Variants in NOX4 observed in about 807,000 individuals in gnomAD.
The protein encoded by NOX4 is kidney oxidase-1.
A neutral mutation model predicts 87.6 loss-of-function variants in NOX4; 69 were observed. The observed-to-expected ratio is 0.79, with a 90% confidence interval of 0.65 to 0.96. NOX4 has a LOEUF of 0.96. Among genes scored for constraint, NOX4 ranks in the 40% least tolerant of loss-of-function variants. The pLI is 0.00. For synonymous variants in NOX4, 275 were observed against 238.2 expected (o/e 1.15, Z -1.42); for missense variants, 680 against 681.5 (o/e 1.00, Z 0.02).
At chr11:89,411,049 G>A (rs1942453438) in intron 8 of NOX4, among the ~76,000 whole-genome samples, 1 of 152,116 alleles carries the variant, frequency 6.6e-6, no homozygotes. Flanking sequence ...CAGTAGGATA[G>A]GGCCCTGGGC....
In NOX4 at chr11:89,419,530, T is replaced by C. The variant is rs111585416; in HGVS notation, c.629+2372A>G. On this transcript the variant is annotated intron_variant, in intron 8 of 17. Coordinates refer to ENST00000263317, the MANE Select transcript of NOX4 (RefSeq NM_016931.5). ...GGAAAAAATGTGCACTGTAGAATGC[T>C]TATTGTATTATGTATGGGTTGCATG... 3.4e-3 allele frequency among the ~76,000 whole-genome samples: 523 copies of C among 152,090 alleles called. 2 individuals are homozygous for C. The highest frequency in any genetic ancestry group is 5.6e-3 in the Non-Finnish European group (380 of 67,910).
At chr11:89,523,819 A>G in the NOX4 span, among the ~76,000 whole-genome samples, 2 of 152,236 alleles carry the variant, frequency 1.3e-5, no homozygotes, top group African/African-American at 4.8e-5. Context: ...TAGTACATTC[A>G]GCAGCATGGA....
chr11:89,419,291 T>C (rs920136620), intron 8 of NOX4, among the ~76,000 whole-genome samples: 7 of 152,096 alleles, frequency 4.6e-5, no homozygotes, highest in Non-Finnish European at 2.9e-5. Context: ...CTTTGAACAA[T>C]TGTACTTTAT....
intron 1 of NOX4, chr11:89,490,782 G>A: frequency 1.4e-6 from 1 of 695,036 alleles, no homozygotes; most frequent in Non-Finnish European, 2.6e-6. Flanking sequence ...TTGCAAATAG[G>A]TTTCCTAAAT....
At chr11:89,560,269 A>G in the NOX4 span, among the ~76,000 whole-genome samples, 14,008 of 152,138 alleles carry the variant, frequency 0.092, 975 homozygotes, top group Admixed American at 0.22. Flanking sequence ...GAAGCTAGGA[A>G]GAGACAAGGA....
At chr11:89,367,636 T>A (rs1384888564) in intron 12 of NOX4, among the ~76,000 whole-genome samples, 2 of 152,110 alleles carry the variant, frequency 1.3e-5, no homozygotes, top group East Asian at 1.9e-4. Context: ...AAATCTTTAA[T>A]GTGATGTGTT....
In NOX4 at chr11:89,440,683, C is replaced by T. The variant is rs1944417786; in HGVS notation, c.475+5G>A. The T allele has an allele frequency of 6.5e-7, 1 of 1,547,156 alleles. No individual in the cohort carries two copies. The highest frequency in any genetic ancestry group is 8.8e-7 in the Non-Finnish European group (1 of 1,135,982). On this transcript the variant is annotated splice_donor_5th_base_variant and intron_variant, in intron 6 of 17. Coordinates refer to ENST00000263317, the MANE Select transcript of NOX4 (RefSeq NM_016931.5). ...CTAAAGAAAAGGCTAAGAATAACAA[C>T]TTACCAGTTGTGAAGAGAAGTTTTC...
chr11:89,410,497 C>T (rs1942419928), intron 8 of NOX4, among the ~76,000 whole-genome samples: 1 of 152,142 alleles, frequency 6.6e-6, no homozygotes, highest in Non-Finnish European at 1.5e-5. Context: ...ACTCCTATCC[C>T]CAGAACCACT....
At chr11:89,560,087 T>C in the NOX4 span, among the ~76,000 whole-genome samples, 1 of 152,032 alleles carries the variant, frequency 6.6e-6, no homozygotes, top group Non-Finnish European at 1.5e-5. Flanking sequence ...AGTATGACTG[T>C]TGTCTTCATA....
At chr11:89,540,786 TAAAAAAAAAAAAAAAAAAAAAAAAAAAAA>T in the NOX4 span, among the ~76,000 whole-genome samples, 44 of 43,520 alleles carry the variant, frequency 1.0e-3, no homozygotes, top group East Asian at 0.014. Context: ...AGACTCCGTC[TAAAAAAAAAAAAAAAAAAAAAAAAAAAAA>T]AAAAAAAAAA....
intron 17 of NOX4, among the ~76,000 whole-genome samples, chr11:89,334,435 T>C (rs1407470399): frequency 6.6e-6 from 1 of 151,830 alleles, no homozygotes; most frequent in Non-Finnish European, 1.5e-5. Flanking sequence ...AACATGACTG[T>C]AATCTGAATC....
At chr11:89,426,228 A>G (rs552610884) in intron 7 of NOX4, among the ~76,000 whole-genome samples, 1 of 152,302 alleles carries the variant, frequency 6.6e-6, no homozygotes, top group Non-Finnish European at 1.5e-5. Context: ...AATAGCTTTA[A>G]AATAATTTTA....
chr11:89,430,276 C>A (rs1490773366), intron 7 of NOX4, among the ~76,000 whole-genome samples: 3 of 152,170 alleles, frequency 2.0e-5, no homozygotes, highest in African/African-American at 4.8e-5. Flanking sequence ...TGGAAGCATT[C>A]CCTTTGAAAA....
the NOX4 span, among the ~76,000 whole-genome samples, chr11:89,518,396 T>C: frequency 6.6e-6 from 1 of 151,668 alleles, no homozygotes; most frequent in Admixed American, 6.6e-5. Flanking sequence ...AAGATGCTAC[T>C]TGCTTATAAA....
intron 5 of NOX4, among the ~76,000 whole-genome samples, chr11:89,441,936 A>G (rs533096456): frequency 1.5e-5 from 2 of 131,002 alleles, no homozygotes; most frequent in East Asian, 2.3e-4. Flanking sequence ...ACAAAATAAC[A>G]TATGTGTTGA....
chr11:89,538,340 C>CA, the NOX4 span, among the ~76,000 whole-genome samples: 1 of 152,222 alleles, frequency 6.6e-6, no homozygotes, highest in Non-Finnish European at 1.5e-5. Context: ...GAAATCTCCA[C>CA]AATATGGTTT....
chr11:89,438,888 T>A (rs1461056825), intron 6 of NOX4, among the ~76,000 whole-genome samples: 1 of 49,812 alleles, frequency 2.0e-5, no homozygotes, highest in Non-Finnish European at 3.0e-5. Context: ...ATATAATATA[T>A]TATATATTAT....
intron 8 of NOX4, among the ~76,000 whole-genome samples, chr11:89,410,030 T>G (rs1475654786): frequency 1.2e-4 from 18 of 151,548 alleles, no homozygotes; most frequent in Non-Finnish European, 1.6e-4. Context: ...GAGACCAGCC[T>G]GAGCAACACA....
At chr11:89,460,101 T>C (rs1945383553) in intron 2 of NOX4, among the ~76,000 whole-genome samples, 1 of 152,160 alleles carries the variant, frequency 6.6e-6, no homozygotes, top group Non-Finnish European at 1.5e-5. Flanking sequence ...GAAAACTAGC[T>C]AGCCATATGT....
Sources: allele counts gnomAD v4.1 joint callset (sites outside exome capture counted in the v4.1 genomes callset), GRCh38; gene constraint gnomAD v4.1.1; transcripts MANE v1.5; gene names NCBI Gene and HGNC (gene_info 2026-07-23, HGNC 2026-07-21).